ATIC: variants seen among roughly 807,000 people sequenced by gnomAD.
ATIC encodes 5-aminoimidazole-4-carboxamide ribonucleotide formyltransferase/IMP cyclohydrolase, also known as bifunctional purine biosynthesis protein ATIC.
In ATIC, 64 loss-of-function variants were observed where a neutral mutation model predicts 72.5. That is an observed-to-expected ratio of 0.88 (90% CI 0.72 to 1.09). ATIC has a LOEUF of 1.09. ATIC is among the 50% of genes least tolerant of loss of function. The pLI, the probability that ATIC is intolerant of heterozygous loss-of-function variation, is 0.00. For synonymous variants in ATIC, 281 were observed against 267.1 expected, an observed-to-expected ratio of 1.05 and a Z score of -0.51; for missense variants, 787 against 732.4, an observed-to-expected ratio of 1.07 and a Z score of -0.86.
the ATIC span, chr2:215,362,843 G>A: frequency 1.3e-5 from 2 of 152,540 alleles, no homozygotes; most frequent in Non-Finnish European, 2.9e-5. Flanking sequence ...ACCATCAGCA[G>A]AGACCCCGCT....
chr2:215,349,578 G>A lies in ATIC; in HGVS notation c.1702G>A (p.Asp568Asn), dbSNP rs770896309. ...YIAAPSGSAA[D>N]KVVIEACDEL... ...TGCGGCTCCCTCCGGTTCTGCTGCTGACAAAGTTGTGATTGAGGCCTGCGA... is the reference window on the plus strand; with the variant it reads ...TGCGGCTCCCTCCGGTTCTGCTGCTAACAAAGTTGTGATTGAGGCCTGCGA... Residue 568 changes from aspartate to asparagine, a missense_variant, in exon 16 of 16, where the codon GAC becomes AAC. Asp to Asn is a conservative substitution (Grantham distance 23, BLOSUM62 1). Transcript: ENST00000236959. 1.9e-6 allele frequency: 3 copies of A among 1,614,202 alleles called. No homozygotes were observed. Among genetic ancestry groups the A allele is most frequent in the Non-Finnish European group, 1.7e-6 (2 of 1,180,044 alleles).
rs190975135 is a variant in ATIC at position 215,325,969 on chromosome 2, G to A, written c.380-18G>A. 1,590 of 1,613,696 alleles carry A rather than the reference G, an allele frequency of 9.9e-4. 15 individuals carry two copies. In the African/African-American group the frequency reaches 0.018, roughly 18 times the overall value. ...GATAGGGACATACAAAAATCAATAA[G>A]TCTTTTGTTCTTCAAAGGTGGAGTA... On this transcript the variant is annotated intron_variant, in intron 5 of 15. Coordinates refer to ENST00000236959, the MANE Select transcript of ATIC (RefSeq NM_004044.7).
chr2:215,312,108 G>T lies in ATIC; in HGVS notation c.-35G>T, dbSNP rs549946879. 5 of 1,530,560 alleles carry T rather than the reference G, an allele frequency of 3.3e-6. No individual in the cohort carries two copies. Among genetic ancestry groups the T allele is most frequent in the Middle Eastern group, 2.2e-4 (1 of 4,524 alleles). The allele number at this position is 1,530,560 out of a possible 1,614,324, so 94.8% of individuals were successfully genotyped here. On this transcript the variant is annotated 5_prime_UTR_variant, in exon 1 of 16. Transcript: ENST00000236959. ...CTGCGCACGTGGTGCCGCCGCTGCT[G>T]CCTCCCGCTCGCCCTGAACCCAGTG... is the stretch of plus-strand genomic sequence containing the variant.
chr2:215,364,687 A>G, the ATIC span: 2 of 619,320 alleles, frequency 3.2e-6, no homozygotes, highest in Non-Finnish European at 2.9e-6. Context: ...AGTAATAGAA[A>G]GAATGAATGG....
chr2:215,349,105 G>A lies in ATIC; in HGVS notation c.1515G>A (p.Leu505=). The A allele has an allele frequency of 6.2e-7, 1 of 1,614,116 alleles. No homozygotes were observed. Among genetic ancestry groups the A allele is most frequent in the Non-Finnish European group, 8.5e-7 (1 of 1,180,012 alleles). Reference sequence around the variant, plus strand: ...CTCTCCCCGCATAGGATGAAGATTTGATAAAGTGGAAGGCACTGTTTGAGG... The same window carrying A: ...CTCTCCCCGCATAGGATGAAGATTTAATAAAGTGGAAGGCACTGTTTGAGG... The part of the protein sequence containing the change: ...VTGTIGEDED[L]IKWKALFEEV... Residue 505 remains leucine (L), a synonymous_variant, in exon 15 of 16, where the codon TTG becomes TTA. Coordinates refer to ENST00000236959, the MANE Select transcript of ATIC (RefSeq NM_004044.7).
At chr2:215,322,657 T>A (rs1355273308) in intron 4 of ATIC, among the ~76,000 whole-genome samples, 1 of 152,164 alleles carries the variant, frequency 6.6e-6, no homozygotes, top group Non-Finnish European at 1.5e-5. Flanking sequence ...TAAGAGTTAT[T>A]TTAGTGTTAG....
At chr2:215,350,563 G>C (rs72942005), downstream of ATIC, among the ~76,000 whole-genome samples, 33,899 of 152,104 alleles carry the variant, frequency 0.22, 4,527 homozygotes, top group Non-Finnish European at 0.3. Flanking sequence ...CCCCTCTATG[G>C]ATAATCTGAT....
chr2:215,333,294 T>C, intron 8 of ATIC, 56 bp from the exon 9 acceptor site: 5 of 1,457,014 alleles, frequency 3.4e-6, no homozygotes, highest in Non-Finnish European at 4.8e-6. Flanking sequence ...GATTTAGGAG[T>C]TGACAGGTAG....
chr2:215,367,053 C>T, the ATIC span, among the ~76,000 whole-genome samples: 3 of 152,100 alleles, frequency 2.0e-5, no homozygotes, highest in African/African-American at 4.8e-5. Context: ...TTTACCAAGT[C>T]TTATATTCTA....
intron 14 of ATIC, chr2:215,347,261 C>T: frequency 2.5e-6 from 1 of 396,096 alleles, no homozygotes; most frequent in East Asian, 5.4e-5. Flanking sequence ...TCACCTACGT[C>T]GAGGTGCCTG....
chr2:215,312,878 C>G (rs1046252245), intron 2 of ATIC, among the ~76,000 whole-genome samples: 1 of 152,150 alleles, frequency 6.6e-6, no homozygotes, highest in Non-Finnish European at 1.5e-5. Context: ...GTGGGCTGAT[C>G]ACTTACGGTC....
At chr2:215,358,281 A>G in the ATIC span, among the ~76,000 whole-genome samples, 1 of 152,252 alleles carries the variant, frequency 6.6e-6, no homozygotes, top group Non-Finnish European at 1.5e-5. Flanking sequence ...ATTTCTTTTT[A>G]AAGTCTGATT....
downstream of ATIC, among the ~76,000 whole-genome samples, chr2:215,350,282 A>C (rs2053120412): frequency 6.6e-6 from 1 of 152,142 alleles, no homozygotes; most frequent in African/African-American, 2.4e-5. Context: ...GACTACAGGC[A>C]TGTGCCACCA....
At chr2:215,316,268 T>C (rs919345780) in intron 2 of ATIC, among the ~76,000 whole-genome samples, 3 of 152,222 alleles carry the variant, frequency 2.0e-5, no homozygotes, top group African/African-American at 7.2e-5. Context: ...GGATTTTATT[T>C]CCTGAACCCC....
chr2:215,346,961 G>T lies in ATIC; in HGVS notation c.1503+20G>T. 6.2e-7 allele frequency: 1 copy of T among 1,613,352 alleles called. No homozygotes were observed. The highest frequency in any genetic ancestry group is 8.5e-7 in the Non-Finnish European group (1 of 1,179,326). On this transcript the variant is annotated intron_variant, in intron 14 of 15. Transcript: ENST00000236959. ...GGCGAGGTGAAAGACTTGGCATTGG[G>T]TTCTCGGCTGTGTTAATATTCAGTT...
At chr2:215,334,245 G>A (rs986496182) in intron 9 of ATIC, among the ~76,000 whole-genome samples, 1 of 143,036 alleles carries the variant, frequency 7.0e-6, no homozygotes, top group African/African-American at 2.6e-5. Context: ...CCAGGCTGGA[G>A]TGCAGTGGCG....
intron 12 of ATIC, among the ~76,000 whole-genome samples, chr2:215,344,070 T>A (rs573762488): frequency 1.3e-5 from 2 of 152,366 alleles, no homozygotes; most frequent in East Asian, 3.9e-4. Flanking sequence ...TTGTGATGTC[T>A]ATGAAACAAT....
chr2:215,362,278 T>TACA, the ATIC span: 3 of 591,704 alleles, frequency 5.1e-6, no homozygotes, highest in Non-Finnish European at 9.1e-6. Context: ...ATCTTATACC[T>TACA]ACATCTGTCT....
At chr2:215,333,125 T>C (rs2052914128) in intron 8 of ATIC, among the ~76,000 whole-genome samples, 1 of 152,186 alleles carries the variant, frequency 6.6e-6, no homozygotes, top group Non-Finnish European at 1.5e-5. Flanking sequence ...CAGGCTTCAG[T>C]GGCTCTGTGG....
Sources: gnomAD v4.1 joint callset for allele counts (sites outside exome capture counted in the v4.1 genomes callset) on GRCh38, gnomAD v4.1.1 for gene constraint, MANE v1.5 for transcripts, NCBI Gene and HGNC (gene_info 2026-07-23, HGNC 2026-07-21) for gene names.